LRRIQ1: variants seen among roughly 807,000 people sequenced by gnomAD.
LRRIQ1 encodes leucine rich repeats and IQ motif containing 1.
A neutral mutation model predicts 211.9 loss-of-function variants in LRRIQ1; 210 were observed. That is an observed-to-expected ratio of 0.99 (90% CI 0.89 to 1.11). LRRIQ1 has a LOEUF of 1.11. LRRIQ1 is among the 50% of genes most tolerant of loss of function. The pLI, the probability that LRRIQ1 is intolerant of heterozygous loss-of-function variation, is 0.00. For missense variants in LRRIQ1, 2,136 were observed against 1,939.5 expected, an observed-to-expected ratio of 1.10 and a Z score of -1.90; for synonymous variants, 699 against 650.1, an observed-to-expected ratio of 1.08 and a Z score of -1.14.
intron 1 of LRRIQ1, among the ~76,000 whole-genome samples, chr12:85,261,396 C>T (rs1034425703): frequency 1.3e-5 from 2 of 152,182 alleles, no homozygotes; most frequent in African/African-American, 2.4e-5. Flanking sequence ...ATAAAATGAA[C>T]ATTTACAATC....
chr12:85,037,001 CCTAA>C (rs1001313165), intron 1 of LRRIQ1, among the ~76,000 whole-genome samples: 2 of 152,082 alleles, frequency 1.3e-5, no homozygotes, highest in African/African-American at 4.8e-5. Flanking sequence ...TGCAGCTAAT[CCTAA>C]CTGAGATGTG....
intron 24 of LRRIQ1, among the ~76,000 whole-genome samples, chr12:85,200,850 C>T (rs1304020218): frequency 6.6e-6 from 1 of 151,776 alleles, no homozygotes; most frequent in African/African-American, 2.4e-5. Flanking sequence ...GACAGGGTCT[C>T]ACTCTGTCAC....
chr12:85,098,453 C>T lies in LRRIQ1; in HGVS notation c.2986C>T (p.Leu996=). 1 of 1,610,888 alleles carries T rather than the reference C, an allele frequency of 6.2e-7. No individual in the cohort carries two copies. Among genetic ancestry groups the T allele is most frequent in the Non-Finnish European group, 8.5e-7 (1 of 1,178,108 alleles). ...GLCDTPTIVY[L]DCSHNHLTDV... is the part of the protein sequence containing the mutation. ...TTGTGATACACCTACCATTGTATAC[C>T]TAGATTGCTCCCATAATCATCTTAC... Residue 996 remains leucine (L), a synonymous_variant, in exon 12 of 27, where the codon CTA becomes TTA. Transcript: ENST00000393217.
At chr12:85,184,473 G>A (rs1289347928) in intron 24 of LRRIQ1, among the ~76,000 whole-genome samples, 1 of 151,976 alleles carries the variant, frequency 6.6e-6, no homozygotes, top group East Asian at 1.9e-4. Context: ...ATGTGTATTT[G>A]TCTGTATGAG....
At chr12:85,045,128 T>C (rs1430147914) in intron 4 of LRRIQ1, among the ~76,000 whole-genome samples, 1 of 151,944 alleles carries the variant, frequency 6.6e-6, no homozygotes, top group Non-Finnish European at 1.5e-5. Flanking sequence ...ATAATGAATA[T>C]ACTCTTATTT....
intron 24 of LRRIQ1, among the ~76,000 whole-genome samples, chr12:85,187,954 A>C (rs2136920918): frequency 6.6e-6 from 1 of 152,186 alleles, no homozygotes; most frequent in African/African-American, 2.4e-5. Context: ...AACAATCCCC[A>C]TTAAAACACT....
At chr12:85,136,142 C>G (rs191735125) in intron 18 of LRRIQ1, among the ~76,000 whole-genome samples, 5 of 151,982 alleles carry the variant, frequency 3.3e-5, no homozygotes, top group Admixed American at 2.6e-4. Flanking sequence ...TTACTCCTCT[C>G]CCTCACTCCT....
intron 24 of LRRIQ1, among the ~76,000 whole-genome samples, chr12:85,198,047 T>A (rs553347733): frequency 8.6e-5 from 3 of 35,010 alleles, no homozygotes; most frequent in African/African-American, 5.6e-4. Context: ...TATAATATAT[T>A]ATATAATTAT....
chr12:85,202,228 G>A (rs1893334673), intron 24 of LRRIQ1, among the ~76,000 whole-genome samples: 1 of 152,096 alleles, frequency 6.6e-6, no homozygotes, highest in Non-Finnish European at 1.5e-5. Context: ...CAGTTTTAGA[G>A]TATGTGCCAT....
intron 24 of LRRIQ1, among the ~76,000 whole-genome samples, chr12:85,217,321 C>A (rs1437465212): frequency 1.3e-5 from 2 of 150,472 alleles, no homozygotes; most frequent in Non-Finnish European, 3.0e-5. Context: ...AACTCATACA[C>A]TTATTGGTTT....
chr12:85,229,776 A>G, intron 25 of LRRIQ1, 127 bp downstream of exon 25: 2 of 828,740 alleles, frequency 2.4e-6, no homozygotes, highest in Non-Finnish European at 3.8e-6. Context: ...GTTGCCGGGT[A>G]ATACAAAGGC....
Position 85,197,227 on chromosome 12 carries a change from G to A in LRRIQ1, c.4823-32290G>A, listed in dbSNP as rs1417974783. Reference sequence around the variant, plus strand: ...AAATAGGAACACTTTTACACTGTTGGTGGGACTTTAAACTAGTTCAACCAT... The same window carrying A: ...AAATAGGAACACTTTTACACTGTTGATGGGACTTTAAACTAGTTCAACCAT... On this transcript the variant is annotated intron_variant, in intron 24 of 26. Coordinates refer to ENST00000393217, the MANE Select transcript of LRRIQ1 (RefSeq NM_001079910.2). Among the ~76,000 whole-genome samples, 5 of 151,926 alleles carry A rather than the reference G, an allele frequency of 3.3e-5. No individual in the cohort carries two copies. The South Asian group carries it at 8.3e-4, about 25-fold the overall frequency.
chr12:85,239,342 T>C (rs1444021818), intron 26 of LRRIQ1, among the ~76,000 whole-genome samples: 1 of 144,884 alleles, frequency 6.9e-6, no homozygotes, highest in Non-Finnish European at 1.5e-5. Context: ...TCCCCGGTAA[T>C]TGAAACTGTT....
At chr12:85,080,331 GA>G (rs1884147065) in intron 11 of LRRIQ1, among the ~76,000 whole-genome samples, 2 of 151,446 alleles carry the variant, frequency 1.3e-5, no homozygotes, top group African/African-American at 2.4e-5. Flanking sequence ...ATTCAATGTT[GA>G]AAAATTCCAA....
chr12:85,266,099 T>G (rs1226214031), downstream of LRRIQ1, among the ~76,000 whole-genome samples: 1 of 152,100 alleles, frequency 6.6e-6, no homozygotes, highest in Non-Finnish European at 1.5e-5. Context: ...ACTTATTTGT[T>G]TTTAATCAAA....
intron 19 of LRRIQ1, among the ~76,000 whole-genome samples, chr12:85,142,662 A>G (rs533440695): frequency 2.0e-5 from 3 of 151,372 alleles, no homozygotes; most frequent in South Asian, 2.1e-4. Flanking sequence ...TCACCATTAT[A>G]CTCTCTACTT....
At chr12:85,085,880 A>C (rs1374251195) in intron 11 of LRRIQ1, among the ~76,000 whole-genome samples, 1 of 152,138 alleles carries the variant, frequency 6.6e-6, no homozygotes, top group Admixed American at 6.5e-5. Flanking sequence ...TGCTGTTGTG[A>C]ATAATGCTAC....
intron 24 of LRRIQ1, among the ~76,000 whole-genome samples, chr12:85,211,019 T>C (rs983775201): frequency 1.2e-4 from 18 of 152,214 alleles, no homozygotes; most frequent in African/African-American, 4.1e-4. Context: ...TTTGTAGAAA[T>C]TGAGGGGCAA....
intron 18 of LRRIQ1, among the ~76,000 whole-genome samples, chr12:85,133,028 G>T (rs962369360): frequency 1.3e-5 from 2 of 151,852 alleles, no homozygotes; most frequent in Non-Finnish European, 2.9e-5. Context: ...ATTATACAAT[G>T]TTAAATATCA....
Sources: allele counts gnomAD v4.1 joint callset (sites outside exome capture counted in the v4.1 genomes callset), GRCh38; gene constraint gnomAD v4.1.1; transcripts MANE v1.5; gene names NCBI Gene and HGNC (gene_info 2026-07-23, HGNC 2026-07-21).